The following KLK9 variants were observed in gnomAD, a reference collection of about 807,000 sequenced individuals.
The protein encoded by KLK9 is kallikrein-9.
Under a neutral mutation model 23.3 loss-of-function variants are expected in KLK9, and 26 were observed. The observed-to-expected ratio is 1.12, with a 90% CI of 0.82 to 1.55. KLK9 has a LOEUF of 1.55. Among genes scored for constraint, KLK9 ranks in the 40% most tolerant of loss-of-function variants. The pLI, the probability that KLK9 is intolerant of heterozygous loss-of-function variation, is 0.00. For synonymous variants in KLK9, 122 were observed against 128.5 expected (o/e 0.95, Z 0.34); for missense variants, 346 against 333.7 (o/e 1.04, Z -0.29).
chr19:51,008,221 C>T (rs1221016518), intron 2 of KLK9, among the ~76,000 whole-genome samples: 1 of 149,208 alleles, frequency 6.7e-6, no homozygotes, highest in African/African-American at 2.5e-5. Flanking sequence ...ACCTGTAATC[C>T]CAGCTACTCA....
At position 51,006,537 on chromosome 19, in the gene KLK9, G is replaced by C; in HGVS notation, c.387C>G (p.Pro129=). ...RQARLSPAVQ[P]LNLSQTCVSP... ...AGACACAGGTCTGGCTGAGGTTGAG[G>C]GGCTGCACAGCAGGACTCAGACGTG... The change falls in exon 3 of 5, where the codon CCC becomes CCG. Residue 129 remains proline (P), a synonymous_variant. Transcript: ENST00000594211. This position sits in a 1 kb window ranked among gnomAD's most constrained non-coding sequence, Gnocchi z 4.1. 1 of 1,613,240 alleles carries C rather than the reference G, an allele frequency of 6.2e-7. No homozygotes were observed. Among genetic ancestry groups the C allele is most frequent in the Non-Finnish European group, 8.5e-7 (1 of 1,179,446 alleles).
Position 51,006,244 on chromosome 19 carries a change from T to C in KLK9, c.466+214A>G, listed in dbSNP as rs2091255035. Among the ~76,000 whole-genome samples the C allele has an allele frequency of 6.6e-6, 1 of 151,872 alleles. No homozygotes were observed. The highest frequency in any genetic ancestry group is 1.5e-5 in the Non-Finnish European group (1 of 67,934). ...TTTCCTCCTCCTCCTTTTTTTCTTCTCCTCCTCCTCCTTCTTCCACTTCTT... is the reference window on the plus strand; with the variant it reads ...TTTCCTCCTCCTCCTTTTTTTCTTCCCCTCCTCCTCCTTCTTCCACTTCTT... On this transcript the variant is annotated intron_variant, in intron 3 of 4. Coordinates refer to ENST00000594211, the MANE Select transcript of KLK9 (RefSeq NM_012315.2). The surrounding 1 kb of genome is among the most constrained non-coding windows in gnomAD (Gnocchi z 4.1).
chr19:51,009,453 G>A lies in KLK9; in HGVS notation c.43+52C>T. On this transcript the variant is annotated intron_variant, in intron 1 of 4. Transcript: ENST00000594211. This position sits in a 1 kb window ranked among gnomAD's most constrained non-coding sequence, Gnocchi z 4.8. ...CAGAAGCCTGGGATGGGAGGGAAGA[G>A]CAAGGTGACCTTAGTACAGCCGTGA... is the stretch of plus-strand genomic sequence containing the variant. The A allele has an allele frequency of 6.4e-7, 1 of 1,572,580 alleles. No homozygotes were observed. The highest frequency in any genetic ancestry group is 2.3e-5 in the East Asian group (1 of 44,322).
At position 51,009,585 on chromosome 19, in the gene KLK9, C is replaced by G; in HGVS notation, c.-38G>C. 6.3e-7 allele frequency: 1 copy of G among 1,597,928 alleles called. No individual in the cohort carries two copies. Among genetic ancestry groups the G allele is most frequent in the Non-Finnish European group, 8.6e-7 (1 of 1,169,514 alleles). ...CCTGGATCCTGGAACGTGCACCCGGCGTCCAGTGCTTCTTTATGGTAAGCC... is the reference window on the plus strand; with the variant it reads ...CCTGGATCCTGGAACGTGCACCCGGGGTCCAGTGCTTCTTTATGGTAAGCC... On this transcript the variant is annotated 5_prime_UTR_variant, in exon 1 of 5. Coordinates refer to ENST00000594211, the MANE Select transcript of KLK9 (RefSeq NM_012315.2). This position sits in a 1 kb window ranked among gnomAD's most constrained non-coding sequence, Gnocchi z 4.8.
chr19:51,006,482 A>C lies in KLK9; in HGVS notation c.442T>G (p.Trp148Gly). The stretch of plus-strand genomic sequence containing the variant: ...CCCTTGGGGCTGGACACGGCCCCCC[A>C]GCCTGAGATGAGACACTGCATGCCT... Reference protein sequence around the residue: ...SPGMQCLISGWGAVSSPKALF... With the variant: ...SPGMQCLISGGGAVSSPKALF... The change falls in exon 3 of 5, where the codon TGG becomes GGG. Residue 148 changes from tryptophan (W) to glycine (G), a missense_variant. Coordinates refer to ENST00000594211, the MANE Select transcript of KLK9 (RefSeq NM_012315.2). This position sits in a 1 kb window ranked among gnomAD's most constrained non-coding sequence, Gnocchi z 4.1. 6.2e-7 allele frequency: 1 copy of C among 1,612,350 alleles called. No homozygotes were observed. The highest frequency in any genetic ancestry group is 8.5e-7 in the Non-Finnish European group (1 of 1,178,988).
chr19:51,009,454 C>T lies in KLK9; in HGVS notation c.43+51G>A. ...AGAAGCCTGGGATGGGAGGGAAGAG[C>T]AAGGTGACCTTAGTACAGCCGTGAA... is the stretch of plus-strand genomic sequence containing the variant. On this transcript the variant is annotated intron_variant, in intron 1 of 4. Transcript: ENST00000594211. This position sits in a 1 kb window ranked among gnomAD's most constrained non-coding sequence, Gnocchi z 4.8. The T allele has an allele frequency of 1.3e-6, 2 of 1,573,770 alleles. No individual in the cohort carries two copies. Among genetic ancestry groups the T allele is most frequent in the Admixed American group, 1.8e-5 (1 of 55,322 alleles).
At chr19:51,005,807 A>G (rs1441178730) in intron 3 of KLK9, among the ~76,000 whole-genome samples, 1 of 151,646 alleles carries the variant, frequency 6.6e-6, no homozygotes, top group African/African-American at 2.4e-5. Flanking sequence ...GGCTGGGTGC[A>G]GTGGCTCATG....
In KLK9 at chr19:51,006,317, A is replaced by T; in HGVS notation, c.466+141T>A. The T allele has an allele frequency of 1.2e-6, 1 of 828,514 alleles. No individual in the cohort carries two copies. Among genetic ancestry groups the T allele is most frequent in the Non-Finnish European group, 1.8e-6 (1 of 554,096 alleles). 51.3% of individuals were successfully genotyped at this position (828,514 alleles called of 1,614,324 possible). On this transcript the variant is annotated intron_variant, in intron 3 of 4. Coordinates refer to ENST00000594211, the MANE Select transcript of KLK9 (RefSeq NM_012315.2). The surrounding 1 kb of genome is among the most constrained non-coding windows in gnomAD (Gnocchi z 4.1). ...CATCTTAAAAATGCTAGCATCTTAT[A>T]TTTGGTTAAATATATCGATTGGCAG...
At position 51,003,804 on chromosome 19, in the gene KLK9, C is replaced by G; in HGVS notation, c.503G>C (p.Ser168Thr). 2 of 1,613,858 alleles carry G rather than the reference C, an allele frequency of 1.2e-6. No homozygotes were observed. The highest frequency in any genetic ancestry group is 1.7e-6 in the Non-Finnish European group (2 of 1,179,754). The stretch of plus-strand genomic sequence containing the variant: ...GTGACAGAGTTTGTTCTCCAGGATG[C>G]TGATGTTGGCACACTGCAGTGTGAC... ...FPVTLQCANI[S>T]ILENKLCHWA... The change falls in exon 4 of 5, where the codon AGC becomes ACC. Residue 168 changes from serine (S) to threonine (T), a missense_variant. Ser to Thr is a moderately conservative substitution (Grantham distance 58). Coordinates refer to ENST00000594211, the MANE Select transcript of KLK9 (RefSeq NM_012315.2).
At chr19:51,005,095 C>G (rs1487683213) in intron 3 of KLK9, among the ~76,000 whole-genome samples, 1 of 152,162 alleles carries the variant, frequency 6.6e-6, no homozygotes. Flanking sequence ...GTTCTTCAAA[C>G]TTTTTCAGGT....
At position 51,003,245 on chromosome 19, in the gene KLK9, G is replaced by C; in HGVS notation, c.619C>G (p.Pro207Ala). Reference protein sequence around the residue: ...RGSCQGDSGGPLVCNGTLAGV... With the variant: ...RGSCQGDSGGALVCNGTLAGV... Reference sequence around the variant, plus strand: ...GCCAAGGTTCCATTGCAAACCAGGGGGCCCCCAGAGTCACCCTGTACGCGA... The same window carrying C: ...GCCAAGGTTCCATTGCAAACCAGGGCGCCCCCAGAGTCACCCTGTACGCGA... The change falls in exon 5 of 5, where the codon CCC becomes GCC. Residue 207 changes from proline (P) to alanine (A), a missense_variant. Pro to Ala is a conservative substitution (Grantham distance 27). Transcript: ENST00000594211. 1.2e-6 allele frequency: 2 copies of C among 1,612,538 alleles called. No homozygotes were observed. The highest frequency in any genetic ancestry group is 2.7e-5 in the African/African-American group (2 of 75,008).
At chr19:51,003,381 C>CCAT (rs2091242938) in intron 4 of KLK9, 121 bp from the exon 5 acceptor site, 1 of 1,067,080 alleles carries the variant, frequency 9.4e-7, no homozygotes. Context: ...CGAGAGTCCT[C>CCAT]CATCTCCAGC....
chr19:51,005,766 T>C (rs975181080), intron 3 of KLK9, among the ~76,000 whole-genome samples: 1 of 151,460 alleles, frequency 6.6e-6, no homozygotes, highest in Non-Finnish European at 1.5e-5. Context: ...AAATCTAAGA[T>C]ATGACTAGAT....
rs188755958 is a variant in KLK9, at chr19:51,004,685, G to A, written c.467-845C>T. On this transcript the variant is annotated intron_variant, in intron 3 of 4. Transcript: ENST00000594211. ...CACTGCACTCCAGCCTGGGCAACAA[G>A]AGCAAGACTCAGTCTCTTAAAAAAA... is the stretch of plus-strand genomic sequence containing the variant. Among the ~76,000 whole-genome samples, 9 of 143,534 alleles carry A rather than the reference G, an allele frequency of 6.3e-5. No individual in the cohort carries two copies. In the Admixed American group the frequency reaches 6.4e-4, roughly 10 times the overall value. 94.2% of individuals were successfully genotyped at this position (143,534 alleles called of 152,430 possible). A position where few individuals can be genotyped will look rare whatever the true frequency, so the allele number is the denominator to read the frequency against.
chr19:51,009,400 G>T lies in KLK9; in HGVS notation c.44-61C>A. ...GAGCAGGCTGGGAGGGCAGGGAGAG[G>T]ATGCTGAGAAGCCTAGAGGGCAGGA... is the stretch of plus-strand genomic sequence containing the variant. On this transcript the variant is annotated intron_variant, in intron 1 of 4. Coordinates refer to ENST00000594211, the MANE Select transcript of KLK9 (RefSeq NM_012315.2). The surrounding 1 kb of genome is among the most constrained non-coding windows in gnomAD (Gnocchi z 4.8). 5 of 1,544,824 alleles carry T rather than the reference G, an allele frequency of 3.2e-6. No individual in the cohort carries two copies. Among genetic ancestry groups the T allele is most frequent in the Non-Finnish European group, 4.4e-6 (5 of 1,143,640 alleles).
Position 51,003,754 on chromosome 19 carries a change from C to A in KLK9, c.553G>T (p.Asp185Tyr). The A allele has an allele frequency of 6.2e-7, 1 of 1,612,760 alleles. No homozygotes were observed. Among genetic ancestry groups the A allele is most frequent in the Non-Finnish European group, 8.5e-7 (1 of 1,178,756 alleles). ...CACAGGCCCGCACAGAGCATGCTGT[C>A]CGAGATGTGTCCAGGGTATGCCCAG... ...CHWAYPGHIS[D>Y]SMLCAGLWEG... The change falls in exon 4 of 5, where the codon GAC (aspartate) becomes TAC (tyrosine). Residue 185 changes from aspartate (D) to tyrosine (Y), a missense_variant. Coordinates refer to ENST00000594211, the MANE Select transcript of KLK9 (RefSeq NM_012315.2).
chr19:51,003,062 G>A lies in KLK9; in HGVS notation c.*49C>T. ...ACCCTACGAGAACCCCCTACCCCGT[G>A]CCCTTCGGCCTCTCTTGGTCTTCCA... On this transcript the variant is annotated 3_prime_UTR_variant, in exon 5 of 5. Coordinates refer to ENST00000594211, the MANE Select transcript of KLK9 (RefSeq NM_012315.2). The A allele has an allele frequency of 1.3e-6, 2 of 1,570,430 alleles. No individual in the cohort carries two copies. The highest frequency in any genetic ancestry group is 1.2e-5 in the South Asian group (1 of 84,664).
intron 4 of KLK9, 41 bp from the exon 5 acceptor site, chr19:51,003,301 T>C: frequency 6.4e-7 from 1 of 1,574,028 alleles, no homozygotes; most frequent in Non-Finnish European, 8.6e-7. Flanking sequence ...TAGGCCACTC[T>C]GTTCATGACA....
rs1600128981 is a variant in KLK9, at chr19:51,003,694, A to G, written c.603+10T>C. The stretch of plus-strand genomic sequence containing the variant: ...AGGACAGCCTCATTTTCCCCAGAGT[A>G]AGGTCTCACCTGGCAGGAACCTCGG... On this transcript the variant is annotated intron_variant, in intron 4 of 4. Coordinates refer to ENST00000594211, the MANE Select transcript of KLK9 (RefSeq NM_012315.2). 1.2e-6 allele frequency: 2 copies of G among 1,607,344 alleles called. No individual in the cohort carries two copies. The highest frequency in any genetic ancestry group is 2.2e-5 in the East Asian group (1 of 44,734).
Sources: gnomAD v4.1 joint callset for allele counts (sites outside exome capture counted in the v4.1 genomes callset) on GRCh38, gnomAD v4.1.1 for gene constraint, Gnocchi (gnomAD v3.1) non-coding constraint, MANE v1.5 for transcripts, NCBI Gene and HGNC (gene_info 2026-07-23, HGNC 2026-07-21) for gene names.